YTHDC2: variants seen among roughly 807,000 people sequenced by gnomAD.
The protein encoded by YTHDC2 is 3'-5' RNA helicase YTHDC2.
In YTHDC2, 45 loss-of-function variants were observed where a neutral mutation model predicts 174.9. The ratio of observed to expected loss-of-function variants is 0.26; its 90% confidence interval spans 0.20 to 0.33. The LOEUF is 0.33. YTHDC2 is among the 10% of genes least tolerant of loss of function. The pLI is 1.00. For synonymous variants in YTHDC2, 657 were observed against 574.5 expected, an observed-to-expected ratio of 1.14 and a Z score of -2.05; for missense variants, 1,650 against 1,723.7, an observed-to-expected ratio of 0.96 and a Z score of 0.76.
chr5:113,569,521 G>A (rs564486426), intron 23 of YTHDC2, among the ~76,000 whole-genome samples: 16 of 151,960 alleles, frequency 1.1e-4, no homozygotes, highest in Admixed American at 3.3e-4. Flanking sequence ...AATTTTTGTC[G>A]AAGGTGTTAG....
intron 2 of YTHDC2, among the ~76,000 whole-genome samples, chr5:113,524,414 G>A (rs1426468127): frequency 6.6e-6 from 1 of 152,068 alleles, no homozygotes; most frequent in Non-Finnish European, 1.5e-5. Context: ...AGTAGAACCA[G>A]AAGCTTTGAA....
Position 113,564,128 on chromosome 5 carries a change from C to G in YTHDC2, c.2712C>G (p.Phe904Leu), listed in dbSNP as rs781646314. The G allele has an allele frequency of 6.2e-7, 1 of 1,611,810 alleles. No individual in the cohort carries two copies. The highest frequency in any genetic ancestry group is 8.5e-7 in the Non-Finnish European group (1 of 1,178,500). Reference protein sequence around the residue: ...FSDHMALLRAFQAWQKARSDG... With the variant: ...FSDHMALLRALQAWQKARSDG... ...ACCATATGGCACTTCTCAGAGCATT[C>G]CAGGTACTATTACTGTCATTTTATT... Residue 904 changes from phenylalanine (F) to leucine (L), a missense_variant, in exon 20 of 30, where the codon TTC becomes TTG. Phe to Leu is a conservative substitution (Grantham distance 22). Coordinates refer to ENST00000161863, the MANE Select transcript of YTHDC2 (RefSeq NM_022828.5).
intron 23 of YTHDC2, among the ~76,000 whole-genome samples, chr5:113,577,550 T>C (rs372184959): frequency 6.6e-6 from 1 of 152,100 alleles, no homozygotes; most frequent in East Asian, 1.9e-4. Flanking sequence ...TCATATTTTT[T>C]GTAGAGATGG....
rs769814811 is a variant in YTHDC2 at position 113,513,998 on chromosome 5, G to T, written c.103G>T (p.Gly35Trp). The change falls in exon 1 of 30, where the codon GGG becomes TGG. Residue 35 changes from glycine (G) to tryptophan (W), a missense_variant. Transcript: ENST00000161863. ...CGPGGGGRAKGLKDIRIDEEV... is the reference protein window; with the variant it reads ...CGPGGGGRAKWLKDIRIDEEV... Reference sequence around the variant, plus strand: ...CCCTGGGGGCGGCGGCCGGGCCAAGGGGCTGAAGGACATTCGCATTGATGA... The same window carrying T: ...CCCTGGGGGCGGCGGCCGGGCCAAGTGGCTGAAGGACATTCGCATTGATGA... 8 of 1,607,884 alleles carry T rather than the reference G, an allele frequency of 5.0e-6. No homozygotes were observed. In the Admixed American group the frequency reaches 1.4e-4, roughly 27 times the overall value.
At chr5:113,563,755 A>T in intron 19 of YTHDC2, 104 bp from the exon 20 acceptor site, 1 of 1,359,164 alleles carries the variant, frequency 7.4e-7, no homozygotes, top group East Asian at 2.4e-5. Context: ...ATGTAGTAGC[A>T]AAAGAAAATC....
intron 26 of YTHDC2, among the ~76,000 whole-genome samples, chr5:113,589,395 T>TTA (rs1180109303): frequency 5.2e-5 from 6 of 114,462 alleles, no homozygotes; most frequent in South Asian, 3.0e-4. Flanking sequence ...TTTTAAAAAT[T>TTA]AAAAAAAAAA....
At chr5:113,538,630 C>CT (rs35825876) in intron 7 of YTHDC2, among the ~76,000 whole-genome samples, 45,384 of 151,866 alleles carry the variant, frequency 0.3, 8,460 homozygotes, top group African/African-American at 0.51. Flanking sequence ...AGTGAGGATA[C>CT]TTTCTTGATG....
chr5:113,589,408 A>AATATATATATATATATATATATAT (rs34243829), intron 26 of YTHDC2, among the ~76,000 whole-genome samples: 5 of 123,238 alleles, frequency 4.1e-5, no homozygotes, highest in African/African-American at 1.7e-4. Context: ...AAAAAAAAAA[A>AATATATATATATATATATATATAT]ATATATATAT....
At chr5:113,528,717 G>T (rs58391392) in intron 4 of YTHDC2, among the ~76,000 whole-genome samples, 1 of 151,872 alleles carries the variant, frequency 6.6e-6, no homozygotes, top group African/African-American at 2.4e-5. Context: ...ACATGTTGCC[G>T]AGGCTGGTCT....
chr5:113,542,800 C>G (rs986194809), intron 10 of YTHDC2, among the ~76,000 whole-genome samples: 2 of 152,130 alleles, frequency 1.3e-5, no homozygotes, highest in African/African-American at 2.4e-5. Flanking sequence ...TGTGTATATA[C>G]TCTTGTCTTT....
At chr5:113,589,429 A>ATG (rs1472030134) in intron 26 of YTHDC2, among the ~76,000 whole-genome samples, 18,944 of 137,962 alleles carry the variant, frequency 0.14, 1,639 homozygotes, top group Admixed American at 0.27. Flanking sequence ...ATATATATAT[A>ATG]TATGTATATA....
chr5:113,547,633 T>C (rs996364048), intron 10 of YTHDC2, among the ~76,000 whole-genome samples: 1 of 152,108 alleles, frequency 6.6e-6, no homozygotes, highest in Non-Finnish European at 1.5e-5. Flanking sequence ...CCTCTCAGTT[T>C]TGCTGTGAAT....
rs1301006525 is a variant in YTHDC2 at position 113,556,128 on chromosome 5, A to T, written c.2210A>T (p.Lys737Ile). The T allele has an allele frequency of 6.2e-7, 1 of 1,600,952 alleles. No individual in the cohort carries two copies. The highest frequency in any genetic ancestry group is 8.5e-7 in the Non-Finnish European group (1 of 1,170,034). ...WISKASAIQR[K>I]GRAGRCRPGI... ...TCCAAAGCTAGTGCCATACAGCGGA[A>T]AGGCAGGTAATGTATATTTAATGTA... is the stretch of plus-strand genomic sequence containing the variant. The change falls in exon 17 of 30, where the codon AAA becomes ATA. Residue 737 changes from lysine (K) to isoleucine (I), a missense_variant. This residue lies in a region of YTHDC2 where 913 missense variants were observed against 940.4 expected (regional missense o/e 0.97). Coordinates refer to ENST00000161863, the MANE Select transcript of YTHDC2 (RefSeq NM_022828.5).
chr5:113,591,978 C>CTCACCTTCTAT lies in YTHDC2; in HGVS notation c.4030-16_4030-15insACCTTCTATTC. 1 of 1,576,202 alleles carries CTCACCTTCTAT rather than the reference C, an allele frequency of 6.3e-7. No homozygotes were observed. Among genetic ancestry groups the CTCACCTTCTAT allele is most frequent in the Admixed American group, 1.8e-5 (1 of 55,784 alleles). On this transcript the variant is annotated splice_polypyrimidine_tract_variant and intron_variant, in intron 27 of 29. Transcript: ENST00000161863. The stretch of plus-strand genomic sequence containing the variant: ...ATCTCCTCCTCACCTCTATTCCTTC[C>CTCACCTTCTAT]TCCCATTTTACCTACAGGGATTTTC...
chr5:113,546,711 G>T (rs1038701908), intron 10 of YTHDC2, among the ~76,000 whole-genome samples: 1 of 152,192 alleles, frequency 6.6e-6, no homozygotes, highest in Non-Finnish European at 1.5e-5. Context: ...TCTGGGAGTG[G>T]TTTAGCTGAG....
chr5:113,591,983 A>T lies in YTHDC2; in HGVS notation c.4030-13A>T. On this transcript the variant is annotated splice_polypyrimidine_tract_variant and intron_variant, in intron 27 of 29. Transcript: ENST00000161863. ...CTCCTCACCTCTATTCCTTCCTCCC[A>T]TTTTACCTACAGGGATTTTCTAGGA... The T allele has an allele frequency of 6.3e-7, 1 of 1,591,344 alleles. No individual in the cohort carries two copies. The highest frequency in any genetic ancestry group is 8.6e-7 in the Non-Finnish European group (1 of 1,167,872).
At chr5:113,561,473 A>ATATATATTTT (rs56886888) in intron 18 of YTHDC2, among the ~76,000 whole-genome samples, 175 of 138,516 alleles carry the variant, frequency 1.3e-3, no homozygotes, top group African/African-American at 4.6e-3. Flanking sequence ...ATCTATCTAT[A>ATATATATTTT]TTTTTTTTTT....
intron 17 of YTHDC2, chr5:113,556,434 A>G (rs1034367555): frequency 2.6e-5 from 5 of 192,886 alleles, no homozygotes; most frequent in Non-Finnish European, 4.2e-5. Context: ...TCCTTATTAT[A>G]TAAAGAAGCT....
chr5:113,571,160 A>G (rs770982522), intron 23 of YTHDC2, among the ~76,000 whole-genome samples: 4 of 152,076 alleles, frequency 2.6e-5, no homozygotes, highest in African/African-American at 9.7e-5. Flanking sequence ...TTCCTTTACT[A>G]CCTAGTTTAT....
Sources: allele counts gnomAD v4.1 joint callset (sites outside exome capture counted in the v4.1 genomes callset), GRCh38; gene constraint gnomAD v4.1.1; regional missense constraint gnomAD v4.1.1; transcripts MANE v1.5; gene names NCBI Gene and HGNC (gene_info 2026-07-23, HGNC 2026-07-21).